The following ENPP6 variants were observed in gnomAD, a reference collection of about 807,000 sequenced individuals.
The protein encoded by ENPP6 is ectonucleotide pyrophosphatase/phosphodiesterase 6, also known as glycerophosphocholine cholinephosphodiesterase ENPP6.
Under a neutral mutation model 42.0 loss-of-function variants are expected in ENPP6, and 32 were observed. That is an observed-to-expected ratio of 0.76 (90% CI 0.58 to 1.02). The LOEUF is 1.02. Ranked by LOEUF, ENPP6 falls within the 50% of genes least tolerant of loss-of-function variation. The pLI is 0.00. For synonymous variants in ENPP6, 213 were observed against 216.0 expected (o/e 0.99, Z 0.12); for missense variants, 552 against 566.8 (o/e 0.97, Z 0.27).
intron 1 of ENPP6, among the ~76,000 whole-genome samples, chr4:184,208,928 C>A (rs1481669789): frequency 6.9e-6 from 1 of 144,214 alleles, no homozygotes; most frequent in African/African-American, 2.6e-5. Flanking sequence ...GTCCCTGACC[C>A]CTGACCCCCG....
chr4:184,128,997 G>T (rs549297225), intron 2 of ENPP6, among the ~76,000 whole-genome samples: 1 of 152,254 alleles, frequency 6.6e-6, no homozygotes, highest in East Asian at 1.9e-4. Flanking sequence ...GATGTAAAGA[G>T]GAAATGAAAA....
intron 7 of ENPP6, among the ~76,000 whole-genome samples, chr4:184,092,748 G>T (rs1367567682): frequency 1.3e-5 from 2 of 152,234 alleles, no homozygotes; most frequent in African/African-American, 2.4e-5. Flanking sequence ...ATAAAGGCCT[G>T]TGCCTGTGCT....
intron 2 of ENPP6, among the ~76,000 whole-genome samples, chr4:184,143,909 G>A (rs1736873532): frequency 6.6e-6 from 1 of 152,250 alleles, no homozygotes; most frequent in South Asian, 2.1e-4. Flanking sequence ...GCAGGTAGGG[G>A]GCGCAGCTGT....
intron 1 of ENPP6, among the ~76,000 whole-genome samples, chr4:184,204,452 G>A (rs186477749): frequency 2.6e-5 from 4 of 152,258 alleles, no homozygotes; most frequent in East Asian, 1.9e-4. Context: ...CAGACCACTC[G>A]CACCTAGGCC....
chr4:184,206,499 G>A (rs1257448421), intron 1 of ENPP6, among the ~76,000 whole-genome samples: 10 of 150,590 alleles, frequency 6.6e-5, no homozygotes, highest in East Asian at 2.0e-4. Context: ...CTCGTGATCC[G>A]CCCGTCTCGG....
rs1736493899 is a variant in ENPP6 at position 184,125,785 on chromosome 4, GC to G, written c.422-1514del. On this transcript the variant is annotated intron_variant, in intron 2 of 7. Coordinates refer to ENST00000296741, the MANE Select transcript of ENPP6 (RefSeq NM_153343.4). ...CATGTTTTTTGAGAGGGAAAAATAG[GC>G]TAGGTGACCCAGAAATAAATACTGC... is the stretch of plus-strand genomic sequence containing the variant. Among the ~76,000 whole-genome samples, 8 of 152,278 alleles carry G rather than the reference GC, an allele frequency of 5.3e-5. No homozygotes were observed. In the South Asian group the frequency reaches 1.7e-3, roughly 32 times the overall value.
chr4:184,117,372 A>G (rs563801940), intron 4 of ENPP6, among the ~76,000 whole-genome samples: 1 of 152,348 alleles, frequency 6.6e-6, no homozygotes, highest in East Asian at 1.9e-4. Context: ...TACAGGATAA[A>G]GCACAGGAAG....
Position 184,216,140 on chromosome 4 carries a change from T to C in ENPP6, c.241+1439A>G, listed in dbSNP as rs115719504. ...AGACAGCTGGAGTGGGGGTGGGCTG[T>C]GTGTGTGAAGCCGCTGCACAGAGCT... On this transcript the variant is annotated intron_variant, in intron 1 of 7. Coordinates refer to ENST00000296741, the MANE Select transcript of ENPP6 (RefSeq NM_153343.4). Among the ~76,000 whole-genome samples, 956 of 152,302 alleles carry C rather than the reference T, an allele frequency of 6.3e-3. 15 individuals carry two copies. Among genetic ancestry groups the C allele is most frequent in the African/African-American group, 0.022 (900 of 41,568 alleles).
At chr4:184,153,877 C>A in intron 1 of ENPP6, 144 bp from the exon 2 acceptor site, 1 of 973,844 alleles carries the variant, frequency 1.0e-6, no homozygotes, top group Non-Finnish European at 1.4e-6. Flanking sequence ...AAAAAAAAAT[C>A]AGATTTTTTT....
intron 2 of ENPP6, among the ~76,000 whole-genome samples, chr4:184,143,529 G>T (rs1736865695): frequency 1.3e-5 from 2 of 152,232 alleles, no homozygotes; most frequent in Middle Eastern, 6.3e-3. Context: ...CCTGAGACAT[G>T]ACACGATCAG....
chr4:184,092,755 T>G (rs1735831328), intron 7 of ENPP6, among the ~76,000 whole-genome samples: 3 of 152,264 alleles, frequency 2.0e-5, no homozygotes, highest in Admixed American at 1.3e-4. Flanking sequence ...CCTGTGCCTG[T>G]GCTTTCTAGT....
intron 1 of ENPP6, among the ~76,000 whole-genome samples, chr4:184,159,661 C>A (rs910477261): frequency 6.6e-6 from 1 of 151,666 alleles, no homozygotes; most frequent in African/African-American, 2.4e-5. Context: ...TTTTAAATAT[C>A]TTATTTCAAT....
At chr4:184,102,321 G>A (rs1226304046) in intron 6 of ENPP6, among the ~76,000 whole-genome samples, 1 of 152,174 alleles carries the variant, frequency 6.6e-6, no homozygotes, top group African/African-American at 2.4e-5. Flanking sequence ...AGGGAGGGGT[G>A]GAAGGACAGG....
At chr4:184,142,249 C>A (rs540633452) in intron 2 of ENPP6, among the ~76,000 whole-genome samples, 1 of 152,338 alleles carries the variant, frequency 6.6e-6, no homozygotes, top group East Asian at 1.9e-4. Context: ...CTGCTGCCTG[C>A]CAACTTTGAC....
In ENPP6 at chr4:184,199,655, A is replaced by G. The variant is rs192557871; in HGVS notation, c.241+17924T>C. On this transcript the variant is annotated intron_variant, in intron 1 of 7. Coordinates refer to ENST00000296741, the MANE Select transcript of ENPP6 (RefSeq NM_153343.4). ...TCTCCACCGTGACATCCACAGACAC[A>G]GGACTTCTGTCTGCTGCCGTCCACC... 1.6e-3 allele frequency among the ~76,000 whole-genome samples: 241 copies of G among 152,276 alleles called. 2 individuals carry two copies. The highest frequency in any genetic ancestry group is 0.014 in the Middle Eastern group (4 of 294).
intron 5 of ENPP6, among the ~76,000 whole-genome samples, chr4:184,114,676 C>T (rs1237338354): frequency 1.3e-5 from 2 of 151,800 alleles, no homozygotes; most frequent in Non-Finnish European, 2.9e-5. Context: ...CCTTGGAAGG[C>T]GCTCTCCCTA....
At chr4:184,151,474 C>T (rs1737024409) in intron 2 of ENPP6, among the ~76,000 whole-genome samples, 1 of 152,214 alleles carries the variant, frequency 6.6e-6, no homozygotes, top group Non-Finnish European at 1.5e-5. Flanking sequence ...ATGAAAGGCC[C>T]TCTCCAGGAG....
intron 7 of ENPP6, among the ~76,000 whole-genome samples, chr4:184,094,417 A>T (rs568185614): frequency 6.6e-6 from 1 of 152,392 alleles, no homozygotes; most frequent in African/African-American, 2.4e-5. Context: ...TTAAGCATAA[A>T]GGAGGATTGA....
At chr4:184,105,425 A>G (rs1255364404) in intron 6 of ENPP6, among the ~76,000 whole-genome samples, 1 of 152,228 alleles carries the variant, frequency 6.6e-6, no homozygotes, top group Admixed American at 6.5e-5. Flanking sequence ...TGTTAGAAAC[A>G]CATTGAACAT....
Sources: gnomAD v4.1 joint callset for allele counts (sites outside exome capture counted in the v4.1 genomes callset) on GRCh38, gnomAD v4.1.1 for gene constraint, MANE v1.5 for transcripts, NCBI Gene and HGNC (gene_info 2026-07-23, HGNC 2026-07-21) for gene names.